The following CMIP variants were observed in gnomAD, a reference collection of about 807,000 sequenced individuals.
The protein encoded by CMIP is C-Maf-inducing protein.
In CMIP, 13 loss-of-function variants were observed where a neutral mutation model predicts 97.3. That is an observed-to-expected ratio of 0.13 (90% CI 0.09 to 0.21). The LOEUF (loss-of-function observed/expected upper bound fraction) is 0.21, where lower values mean the gene tolerates loss of function less well. Ranked by LOEUF, CMIP falls within the 10% of genes least tolerant of loss-of-function variation. The pLI, the probability that CMIP is intolerant of heterozygous loss-of-function variation, is 1.00. For missense variants in CMIP, 847 were observed against 1,024.9 expected, an observed-to-expected ratio of 0.83 and a Z score of 2.37; for synonymous variants, 538 against 436.3, an observed-to-expected ratio of 1.23 and a Z score of -2.91.
chr16:81,459,942 C>A (rs1906802975), intron 1 of CMIP, among the ~76,000 whole-genome samples: 1 of 152,218 alleles, frequency 6.6e-6, no homozygotes, highest in South Asian at 2.1e-4. Context: ...TTGAATGCCA[C>A]AAACCAAACC....
rs140955544 is a variant in CMIP, at chr16:81,482,964, T to C, written c.300+37423T>C. Among the ~76,000 whole-genome samples the C allele has an allele frequency of 2.6e-5, 4 of 152,348 alleles. No homozygotes were observed. In the East Asian group the frequency reaches 7.7e-4, roughly 29 times the overall value. On this transcript the variant is annotated intron_variant, in intron 1 of 20. Transcript: ENST00000537098. The stretch of plus-strand genomic sequence containing the variant: ...CGCGTCCACTGTGCACCAGGCACCA[T>C]TGCAGGCACGGAGCAAAGCAGGCAT...
rs139836703 is a variant in CMIP at position 81,682,497 on chromosome 16, G to A, written c.1388+3869G>A. Among the ~76,000 whole-genome samples the A allele has an allele frequency of 8.7e-3, 1,330 of 152,284 alleles. 20 individuals are homozygous for A. Among genetic ancestry groups the A allele is most frequent in the Middle Eastern group, 0.027 (8 of 294 alleles). ...GGAGAATCACTTGAACCCGGGAGGC[G>A]GAGGTTGCAGTGAGCTGAGATCACG... On this transcript the variant is annotated intron_variant, in intron 10 of 20. Transcript: ENST00000537098.
intron 1 of CMIP, among the ~76,000 whole-genome samples, chr16:81,601,970 A>G (rs1245700486): frequency 1.3e-5 from 2 of 152,252 alleles, no homozygotes; most frequent in African/African-American, 4.8e-5. Context: ...CAATTTGGCA[A>G]CAACGTAAAA....
At chr16:81,708,726 A>G (rs1363767783) in intron 20 of CMIP, among the ~76,000 whole-genome samples, 1 of 152,166 alleles carries the variant, frequency 6.6e-6, no homozygotes, top group East Asian at 1.9e-4. Flanking sequence ...CTTGAAATCT[A>G]GATTCGTCTG....
At chr16:81,534,494 CTT>C (rs2090303241) in intron 1 of CMIP, among the ~76,000 whole-genome samples, 2 of 151,762 alleles carry the variant, frequency 1.3e-5, no homozygotes, top group African/African-American at 4.8e-5. Context: ...TTTCTAGTCT[CTT>C]GATTTTGTTT....
chr16:81,612,763 G>A (rs535762138), intron 2 of CMIP, among the ~76,000 whole-genome samples: 58 of 152,250 alleles, frequency 3.8e-4, no homozygotes, highest in South Asian at 3.7e-3. Context: ...GCAGGCTTCC[G>A]GGGGACTTGG....
At chr16:81,549,671 C>G (rs1164098660) in intron 1 of CMIP, among the ~76,000 whole-genome samples, 1 of 152,194 alleles carries the variant, frequency 6.6e-6, no homozygotes, top group East Asian at 1.9e-4. Flanking sequence ...TGAAATCGCC[C>G]CTAAAGGACA....
intron 20 of CMIP, among the ~76,000 whole-genome samples, chr16:81,709,227 C>A (rs915056994): frequency 6.6e-6 from 1 of 152,176 alleles, no homozygotes; most frequent in African/African-American, 2.4e-5. Flanking sequence ...CCACGTCACT[C>A]ACCCTGTCCA....
chr16:81,627,084 G>C lies in CMIP; in HGVS notation c.477+6158G>C, dbSNP rs1235110765. 6.8e-6 allele frequency among the ~76,000 whole-genome samples: 1 copy of C among 146,696 alleles called. No homozygotes were observed. The highest frequency in any genetic ancestry group is 1.5e-5 in the Non-Finnish European group (1 of 66,804). On this transcript the variant is annotated intron_variant, in intron 3 of 20. Transcript: ENST00000537098. The surrounding 1 kb of genome is among the most constrained non-coding windows in gnomAD (Gnocchi z 4.6). Reference sequence around the variant, plus strand: ...TTTATGTGTGTGTTTGTGTATGTGTGGTGTGTGGGGGTGACTGTGAGAGTG... The same window carrying C: ...TTTATGTGTGTGTTTGTGTATGTGTCGTGTGTGGGGGTGACTGTGAGAGTG...
chr16:81,667,793 AGAGAGAGT>A (rs1373470205), intron 7 of CMIP, among the ~76,000 whole-genome samples: 2,644 of 88,988 alleles, frequency 0.03, 14 homozygotes, highest in Non-Finnish European at 0.039. Flanking sequence ...AGAGAGAGAG[AGAGAGAGT>A]GTGTGTGTGT....
intron 1 of CMIP, among the ~76,000 whole-genome samples, chr16:81,554,625 T>C (rs1052665683): frequency 6.6e-6 from 1 of 152,238 alleles, no homozygotes; most frequent in South Asian, 2.1e-4. Context: ...GGCTCAGAGC[T>C]GTCCTTTCAC....
Position 81,655,772 on chromosome 16 carries a change from C to T in CMIP, c.640-2003C>T, listed in dbSNP as rs757406439. Among the ~76,000 whole-genome samples, 8 of 152,294 alleles carry T rather than the reference C, an allele frequency of 5.3e-5. No homozygotes were observed. Among genetic ancestry groups the T allele is most frequent in the African/African-American group, 1.7e-4 (7 of 41,554 alleles). The stretch of plus-strand genomic sequence containing the variant: ...ATATAGACTTTAGAGTAAGGACAGA[C>T]GGGTTCATATCCTCACTGCAGCCCC... On this transcript the variant is annotated intron_variant, in intron 4 of 20. Transcript: ENST00000537098. The surrounding 1 kb of genome is among the most constrained non-coding windows in gnomAD (Gnocchi z 4.9).
At chr16:81,598,579 C>T (rs1288893541) in intron 1 of CMIP, among the ~76,000 whole-genome samples, 1 of 152,106 alleles carries the variant, frequency 6.6e-6, no homozygotes, top group Non-Finnish European at 1.5e-5. Flanking sequence ...TATTTTTCTC[C>T]CATGAGATTT....
Position 81,670,629 on chromosome 16 carries a change from G to T in CMIP, c.929+384G>T, listed in dbSNP as rs1024058554. 3.4e-5 allele frequency among the ~76,000 whole-genome samples: 5 copies of T among 148,086 alleles called. 1 individual carries two copies. The highest frequency in any genetic ancestry group is 2.3e-4 in the South Asian group (1 of 4,398). On this transcript the variant is annotated intron_variant, in intron 8 of 20. Transcript: ENST00000537098. ...TGTTTTGGGTTTTTTTTGGGGGGGG[G>T]GGGGGTGGTTGCTTTTGCTTTGTTT...
At chr16:81,625,122 C>G (rs2092044097) in intron 3 of CMIP, among the ~76,000 whole-genome samples, 1 of 152,244 alleles carries the variant, frequency 6.6e-6, no homozygotes, top group Non-Finnish European at 1.5e-5. Flanking sequence ...ATCTTTGCCT[C>G]TTTCTCTGAG....
Position 81,691,157 on chromosome 16 carries a change from C to T in CMIP, c.1389-618C>T, listed in dbSNP as rs79288268. Among the ~76,000 whole-genome samples, 95 of 152,308 alleles carry T rather than the reference C, an allele frequency of 6.2e-4. No homozygotes were observed. The East Asian group carries it at 0.017, about 27-fold the overall frequency. ...AAAGTACCATCAACCTCATAGCTTA[C>T]TCAACAAACATGTATTTCTCTCAGT... On this transcript the variant is annotated intron_variant, in intron 10 of 20. Transcript: ENST00000537098.
chr16:81,550,065 A>G (rs895161615), intron 1 of CMIP, among the ~76,000 whole-genome samples: 6 of 152,288 alleles, frequency 3.9e-5, no homozygotes, highest in Admixed American at 6.5e-5. Flanking sequence ...GCGTGTGCCT[A>G]TGTGATGTGA....
chr16:81,471,477 T>C (rs1285088757), intron 1 of CMIP, among the ~76,000 whole-genome samples: 5 of 152,116 alleles, frequency 3.3e-5, no homozygotes, highest in African/African-American at 7.2e-5. Context: ...TATGCAGACA[T>C]GCACACAGAT....
chr16:81,666,514 A>G (rs1460648727), intron 7 of CMIP: 1 of 152,092 alleles, frequency 6.6e-6, no homozygotes, highest in East Asian at 1.9e-4. Context: ...TTGACCATGT[A>G]TTAATTTTCT....
Sources: allele counts gnomAD v4.1 joint callset (sites outside exome capture counted in the v4.1 genomes callset), GRCh38; gene constraint gnomAD v4.1.1; non-coding constraint Gnocchi (gnomAD v3.1); transcripts MANE v1.5; gene names NCBI Gene and HGNC (gene_info 2026-07-23, HGNC 2026-07-21).